Variants in RASSF3 observed in about 807,000 individuals in gnomAD.
RASSF3 encodes ras association domain-containing protein 3.
A neutral mutation model predicts 19.9 loss-of-function variants in RASSF3; 19 were observed. That is an observed-to-expected ratio of 0.96 (90% confidence interval 0.67 to 1.40). RASSF3 has a LOEUF of 1.40. Among genes scored for constraint, RASSF3 ranks in the 40% most tolerant of loss-of-function variants. The pLI is 0.00. For synonymous variants in RASSF3, 110 were observed against 104.2 expected, an observed-to-expected ratio of 1.06 and a Z score of -0.34; for missense variants, 306 against 289.8, an observed-to-expected ratio of 1.06 and a Z score of -0.41.
chr12:64,569,662 G>A (rs1365922387), intron 2 of RASSF3, among the ~76,000 whole-genome samples: 2 of 152,186 alleles, frequency 1.3e-5, no homozygotes, highest in Non-Finnish European at 1.5e-5. Flanking sequence ...TTTCAAGTAA[G>A]CAACTTAAAA....
chr12:64,525,254 G>A (rs769962845), intron 1 of RASSF3, among the ~76,000 whole-genome samples: 12 of 152,134 alleles, frequency 7.9e-5, no homozygotes, highest in Non-Finnish European at 1.3e-4. Context: ...CCATCTGGGC[G>A]ATAGAGTGAG....
intron 1 of RASSF3, among the ~76,000 whole-genome samples, chr12:64,614,045 G>C (rs1161965407): frequency 6.6e-6 from 1 of 152,056 alleles, no homozygotes; most frequent in African/African-American, 2.4e-5. Context: ...GTCTCGATCA[G>C]TACCTGATAT....
At chr12:64,646,854 C>A (rs1006783679) in intron 1 of RASSF3, among the ~76,000 whole-genome samples, 2 of 152,000 alleles carry the variant, frequency 1.3e-5, no homozygotes, top group Non-Finnish European at 2.9e-5. Flanking sequence ...TTACTGAGGG[C>A]CTCCTCTGGG....
intron 1 of RASSF3, among the ~76,000 whole-genome samples, chr12:64,657,747 A>G (rs1180408555): frequency 6.6e-6 from 1 of 152,222 alleles, no homozygotes; most frequent in Non-Finnish European, 1.5e-5. Flanking sequence ...TTTAATCCAG[A>G]GGAAGGTTGG....
chr12:64,585,025 A>G (rs1012835242), intron 2 of RASSF3, among the ~76,000 whole-genome samples: 2 of 151,188 alleles, frequency 1.3e-5, no homozygotes, highest in African/African-American at 4.9e-5. Context: ...AGCTGGGACT[A>G]CAGGCGCATG....
chr12:64,683,779 AATG>A (rs754240487), intron 1 of RASSF3, among the ~76,000 whole-genome samples: 4 of 152,214 alleles, frequency 2.6e-5, no homozygotes, highest in Non-Finnish European at 5.9e-5. Flanking sequence ...ATGCTGAGGA[AATG>A]ATGTTTTTGC....
intron 2 of RASSF3, among the ~76,000 whole-genome samples, chr12:64,566,478 A>G (rs1164606258): frequency 2.0e-5 from 3 of 152,194 alleles, no homozygotes; most frequent in East Asian, 1.9e-4. Context: ...CTCGGCAAGT[A>G]TATCAAACAG....
intron 1 of RASSF3, among the ~76,000 whole-genome samples, chr12:64,672,152 A>G (rs1872722314): frequency 6.6e-6 from 1 of 152,176 alleles, no homozygotes; most frequent in Non-Finnish European, 1.5e-5. Context: ...TCAGAGTAAT[A>G]TCACCCCAAG....
At chr12:64,513,573 C>T (rs1226728463) in intron 1 of RASSF3, among the ~76,000 whole-genome samples, 1 of 152,084 alleles carries the variant, frequency 6.6e-6, no homozygotes, top group African/African-American at 2.4e-5. Flanking sequence ...TGATCAGCAT[C>T]CAGATTCAAT....
intron 2 of RASSF3, among the ~76,000 whole-genome samples, chr12:64,580,576 ACAC>A (rs1334842325): frequency 1.3e-4 from 2 of 14,902 alleles, no homozygotes; most frequent in Non-Finnish European, 1.5e-4. Context: ...TTTTAGGAAA[ACAC>A]ACACACACAC....
chr12:64,542,951 C>G (rs1267871216), downstream of RASSF3, among the ~76,000 whole-genome samples: 1 of 152,002 alleles, frequency 6.6e-6, no homozygotes, highest in African/African-American at 2.4e-5. Context: ...GGGCGGGAAC[C>G]GGGGCTGCGC....
chr12:64,587,504 C>T (rs941936455), intron 2 of RASSF3, among the ~76,000 whole-genome samples: 1 of 152,124 alleles, frequency 6.6e-6, no homozygotes, highest in African/African-American at 2.4e-5. Context: ...TGCTGCCTGG[C>T]CAGAGTATTT....
chr12:64,615,105 A>T (rs1021875757), intron 1 of RASSF3, among the ~76,000 whole-genome samples: 5 of 152,166 alleles, frequency 3.3e-5, no homozygotes, highest in African/African-American at 1.2e-4. Context: ...CAAAGGATCC[A>T]CCTAATCATT....
chr12:64,623,270 T>G (rs991676520), intron 1 of RASSF3, among the ~76,000 whole-genome samples: 1 of 152,204 alleles, frequency 6.6e-6, no homozygotes, highest in Non-Finnish European at 1.5e-5. Flanking sequence ...GTACCAAAAT[T>G]AACTTTAGCA....
chr12:64,507,721 T>A (rs1323230117), intron 1 of RASSF3, among the ~76,000 whole-genome samples: 1 of 152,184 alleles, frequency 6.6e-6, no homozygotes, highest in East Asian at 1.9e-4. Flanking sequence ...TAAGTCACAG[T>A]GAGTTCCCCT....
At chr12:64,520,555 C>CATATATATATATAT (rs66975333) in intron 1 of RASSF3, among the ~76,000 whole-genome samples, 126 of 86,230 alleles carry the variant, frequency 1.5e-3, no homozygotes, top group African/African-American at 1.9e-3. Context: ...CACATACACA[C>CATATATATATATAT]ATATATATAT....
At chr12:64,640,636 T>G (rs1228193646) in intron 1 of RASSF3, among the ~76,000 whole-genome samples, 1 of 152,156 alleles carries the variant, frequency 6.6e-6, no homozygotes, top group African/African-American at 2.4e-5. Context: ...TGGTAGGATT[T>G]CCTTTTCATT....
chr12:64,643,013 C>G (rs868322214), intron 1 of RASSF3, among the ~76,000 whole-genome samples: 2 of 151,948 alleles, frequency 1.3e-5, no homozygotes, highest in African/African-American at 4.8e-5. Context: ...GCACATGGCA[C>G]CACACCTGGC....
intron 1 of RASSF3, among the ~76,000 whole-genome samples, chr12:64,616,905 C>G (rs1870572551): frequency 6.6e-6 from 1 of 152,220 alleles, no homozygotes; most frequent in Non-Finnish European, 1.5e-5. Context: ...GCCCTCCATT[C>G]TCCTTAACAT....
Sources: allele counts gnomAD v4.1 joint callset (sites outside exome capture counted in the v4.1 genomes callset), GRCh38; gene constraint gnomAD v4.1.1; transcripts MANE v1.5; gene names NCBI Gene and HGNC (gene_info 2026-07-23, HGNC 2026-07-21).